STARD13: variants seen among roughly 807,000 people sequenced by gnomAD.
STARD13 encodes the protein stAR-related lipid transfer protein 13.
STARD13 carries 62 observed loss-of-function variants against 106.4 expected under a neutral mutation model. That is an observed-to-expected ratio of 0.58 (90% CI 0.48 to 0.72). The LOEUF is 0.72. Ranked by LOEUF, STARD13 falls within the 30% of genes least tolerant of loss-of-function variation. The pLI is 0.00. For missense variants in STARD13, 1,387 were observed against 1,424.0 expected (o/e 0.97, Z 0.42); for synonymous variants, 565 against 553.0 (o/e 1.02, Z -0.31).
the STARD13 span, among the ~76,000 whole-genome samples, chr13:33,412,279 T>G: frequency 6.6e-6 from 1 of 152,134 alleles, no homozygotes; most frequent in Admixed American, 6.5e-5. Flanking sequence ...AACTGCAATG[T>G]CATAGAAATA....
chr13:33,417,286 TG>T, the STARD13 span, among the ~76,000 whole-genome samples: 8 of 152,238 alleles, frequency 5.3e-5, no homozygotes, highest in Non-Finnish European at 1.0e-4. Flanking sequence ...GAATTTAAAC[TG>T]GTGCAGCCAT....
the STARD13 span, among the ~76,000 whole-genome samples, chr13:33,429,183 A>C: frequency 6.6e-6 from 1 of 152,246 alleles, no homozygotes; most frequent in Admixed American, 6.5e-5. Flanking sequence ...ATATAAACCC[A>C]AAAGAAAGGA....
At chr13:33,165,489 C>G (rs908257000) in intron 2 of STARD13, 71 bp from the exon 3 acceptor site, 3 of 1,194,842 alleles carry the variant, frequency 2.5e-6, no homozygotes, top group Non-Finnish European at 3.7e-6. Flanking sequence ...TTCAGACCTT[C>G]AAGGTCTGTA....
chr13:33,619,599 A>G, the STARD13 span, among the ~76,000 whole-genome samples: 1 of 152,068 alleles, frequency 6.6e-6, no homozygotes, highest in South Asian at 2.1e-4. Flanking sequence ...GTGTAGATAA[A>G]AAGCCAATAG....
the STARD13 span, among the ~76,000 whole-genome samples, chr13:33,583,143 G>A: frequency 1.3e-5 from 2 of 152,186 alleles, no homozygotes; most frequent in South Asian, 4.1e-4. Context: ...TTGCTACTTA[G>A]AACTGACATG....
the STARD13 span, among the ~76,000 whole-genome samples, chr13:33,574,674 C>A: frequency 2.0e-5 from 3 of 151,960 alleles, no homozygotes; most frequent in South Asian, 6.2e-4. Flanking sequence ...TCTGGGATGT[C>A]GAGGCTGCAG....
chr13:33,197,416 TTGTGTGTGTG>T (rs142681141), intron 1 of STARD13, among the ~76,000 whole-genome samples: 9 of 148,026 alleles, frequency 6.1e-5, no homozygotes, highest in African/African-American at 1.2e-4. Flanking sequence ...AGGAAGAGAG[TTGTGTGTGTG>T]TGTGTGTGTG....
At chr13:33,220,520 G>A (rs2858131) in intron 1 of STARD13, among the ~76,000 whole-genome samples, 32,133 of 151,744 alleles carry the variant, frequency 0.21, 3,724 homozygotes, top group South Asian at 0.31. Context: ...GTGAAACCTC[G>A]TCTCTACTAA....
chr13:33,665,850 C>T, the STARD13 span, among the ~76,000 whole-genome samples: 25 of 152,260 alleles, frequency 1.6e-4, 1 homozygote, highest in East Asian at 2.3e-3. Flanking sequence ...GGGGTCTCCT[C>T]GGTGCCATAA....
At chr13:33,667,317 A>G in the STARD13 span, among the ~76,000 whole-genome samples, 1 of 152,236 alleles carries the variant, frequency 6.6e-6, no homozygotes, top group Admixed American at 6.5e-5. Context: ...ACCTGTTGGA[A>G]GAGAATAGAA....
chr13:33,112,627 G>A (rs559415475), intron 9 of STARD13, 94 bp downstream of exon 9: 21 of 1,001,886 alleles, frequency 2.1e-5, no homozygotes, highest in Non-Finnish European at 3.0e-5. Flanking sequence ...ATATCCATTC[G>A]TATCTATCTA....
At chr13:33,323,430 C>T (rs1224227124) in intron 1 of STARD13, among the ~76,000 whole-genome samples, 1 of 152,230 alleles carries the variant, frequency 6.6e-6, no homozygotes, top group Non-Finnish European at 1.5e-5. Context: ...CCACTCAGCC[C>T]TTCCCACAAC....
At chr13:33,320,703 C>T (rs1893527423) in intron 1 of STARD13, among the ~76,000 whole-genome samples, 1 of 152,222 alleles carries the variant, frequency 6.6e-6, no homozygotes, top group East Asian at 1.9e-4. Context: ...GGTATGGTAT[C>T]TTGCACTGGT....
intron 1 of STARD13, among the ~76,000 whole-genome samples, chr13:33,237,151 A>G (rs1889232524): frequency 6.6e-6 from 1 of 152,176 alleles, no homozygotes; most frequent in Non-Finnish European, 1.5e-5. Context: ...TCCTAGTCAT[A>G]TCCTAATCTC....
intron 1 of STARD13, among the ~76,000 whole-genome samples, chr13:33,201,878 C>T (rs1391117574): frequency 6.6e-6 from 1 of 152,064 alleles, no homozygotes; most frequent in Non-Finnish European, 1.5e-5. Context: ...ATAATTAGTA[C>T]ATAATCTGTC....
chr13:33,313,130 G>A (rs1394057957), intron 1 of STARD13, among the ~76,000 whole-genome samples: 1 of 152,182 alleles, frequency 6.6e-6, no homozygotes, highest in Non-Finnish European at 1.5e-5. Context: ...AATTGTATAA[G>A]CATCCAGTAA....
intron 3 of STARD13, among the ~76,000 whole-genome samples, chr13:33,161,346 G>A (rs1448677008): frequency 6.6e-6 from 1 of 151,452 alleles, no homozygotes; most frequent in Non-Finnish European, 1.5e-5. Flanking sequence ...ACAGAGTCCT[G>A]CTCTATTACC....
the STARD13 span, among the ~76,000 whole-genome samples, chr13:33,386,174 C>A: frequency 2.6e-5 from 4 of 152,150 alleles, no homozygotes; most frequent in African/African-American, 4.8e-5. Flanking sequence ...CTTTGATTCA[C>A]ATAGCTAATT....
intron 1 of STARD13, among the ~76,000 whole-genome samples, chr13:33,225,222 A>G (rs1418371368): frequency 6.6e-6 from 1 of 152,212 alleles, no homozygotes; most frequent in Non-Finnish European, 1.5e-5. Context: ...TTCAACAAAC[A>G]TATACCAAGT....
Sources: gnomAD v4.1 joint callset for allele counts (sites outside exome capture counted in the v4.1 genomes callset) on GRCh38, gnomAD v4.1.1 for gene constraint, MANE v1.5 for transcripts, NCBI Gene and HGNC (gene_info 2026-07-23, HGNC 2026-07-21) for gene names.